Variants in ANKRD6 observed in about 807,000 individuals in gnomAD.
The protein encoded by ANKRD6 is ankyrin repeat domain-containing protein 6.
ANKRD6 carries 56 observed loss-of-function variants against 82.3 expected under a neutral mutation model. That is an observed-to-expected ratio of 0.68 (90% CI 0.55 to 0.85). The LOEUF (loss-of-function observed/expected upper bound fraction) is 0.85, where lower values mean the gene tolerates loss of function less well. Ranked by LOEUF, ANKRD6 falls within the 40% of genes least tolerant of loss-of-function variation. The probability of loss-of-function intolerance (pLI) is 0.00; values close to 1 mark genes in which losing one functional copy is unlikely to be tolerated. For synonymous variants in ANKRD6, 347 were observed against 352.1 expected, an observed-to-expected ratio of 0.99 and a Z score of 0.16; for missense variants, 852 against 907.6, an observed-to-expected ratio of 0.94 and a Z score of 0.79.
intron 1 of ANKRD6, among the ~76,000 whole-genome samples, chr6:89,455,140 A>AGT (rs200343849): frequency 1.3e-3 from 194 of 148,806 alleles, no homozygotes; most frequent in African/African-American, 3.0e-3. Flanking sequence ...CACCACACCC[A>AGT]GTGTGTGTGT....
chr6:89,442,779 G>A (rs962006253), intron 1 of ANKRD6, among the ~76,000 whole-genome samples: 2 of 152,152 alleles, frequency 1.3e-5, no homozygotes, highest in African/African-American at 2.4e-5. Context: ...TCTGGGTTAC[G>A]ATAAGGGGTT....
intron 1 of ANKRD6, among the ~76,000 whole-genome samples, chr6:89,534,259 A>G (rs1783557350): frequency 6.6e-6 from 1 of 152,204 alleles, no homozygotes; most frequent in Admixed American, 6.5e-5. Context: ...GCTGATAGTC[A>G]AAGGAGAGAT....
chr6:89,539,741 C>CTTTTTTTTTTTTT lies in ANKRD6; in HGVS notation c.-143-27092_-143-27080dup, dbSNP rs570865099. ...GTGCTATCAAATAGTAGGTCTTATT[C>CTTTTTTTTTTTTT]TTTTTTTTTTTTTACACCCATTAGC... On this transcript the variant is annotated intron_variant, in intron 1 of 15. Coordinates refer to ENST00000339746, the MANE Select transcript of ANKRD6 (RefSeq NM_001242809.2). Among the ~76,000 whole-genome samples, 473 of 142,632 alleles carry CTTTTTTTTTTTTT rather than the reference C, an allele frequency of 3.3e-3. 5 individuals are homozygous for CTTTTTTTTTTTTT. Among genetic ancestry groups the CTTTTTTTTTTTTT allele is most frequent in the African/African-American group, 0.011 (448 of 38,974 alleles). 93.6% of individuals were successfully genotyped at this position (142,632 alleles called of 152,430 possible). A position where few individuals can be genotyped will look rare whatever the true frequency, so the allele number is the denominator to read the frequency against.
intron 9 of ANKRD6, among the ~76,000 whole-genome samples, chr6:89,620,683 A>G (rs992672309): frequency 2.0e-5 from 3 of 152,012 alleles, no homozygotes; most frequent in African/African-American, 7.2e-5. Context: ...AGCACCTGAC[A>G]GTGACTGACA....
chr6:89,603,217 G>T, intron 4 of ANKRD6, 90 bp downstream of exon 4: 1 of 1,041,926 alleles, frequency 9.6e-7, no homozygotes, highest in Non-Finnish European at 1.4e-6. Context: ...AAACTTTTGA[G>T]TCCTCGAGGT....
At chr6:89,601,451 G>T (rs1797139670) in intron 3 of ANKRD6, 1 of 152,098 alleles carries the variant, frequency 6.6e-6, no homozygotes, top group African/African-American at 2.4e-5. Flanking sequence ...TTTCTGCTCA[G>T]ACTTCTAATA....
intron 1 of ANKRD6, among the ~76,000 whole-genome samples, chr6:89,481,999 G>A (rs2127810115): frequency 6.6e-6 from 1 of 152,282 alleles, no homozygotes; most frequent in South Asian, 2.1e-4. Flanking sequence ...CTTTCCAGGA[G>A]GAAAGATTTT....
chr6:89,450,674 C>T (rs1772695981), intron 1 of ANKRD6, among the ~76,000 whole-genome samples: 1 of 151,462 alleles, frequency 6.6e-6, no homozygotes, highest in East Asian at 1.9e-4. Flanking sequence ...TGCACCACTG[C>T]AGACTTTTTT....
rs3748085 is a variant in ANKRD6 at position 89,606,070 on chromosome 6, A to G, written c.382A>G (p.Ile128Val). Reference sequence around the variant, plus strand: ...TTTCAGCCAGTCAGCCAAGCTGCTCATTAAAGCAGGAGCCAACGTGCTTGC... The same window carrying G: ...TTTCAGCCAGTCAGCCAAGCTGCTCGTTAAAGCAGGAGCCAACGTGCTTGC... ...HGFSQSAKLL[I>V]KAGANVLAKN... The change falls in exon 5 of 16, where the codon ATT becomes GTT. Residue 128 changes from isoleucine to valine, a missense_variant. Coordinates refer to ENST00000339746, the MANE Select transcript of ANKRD6 (RefSeq NM_001242809.2). 0.83 allele frequency: 1,324,183 copies of G among 1,587,258 alleles called. 555,010 individuals carry two copies. The highest frequency in any genetic ancestry group is 0.93 in the East Asian group (40,702 of 43,892).
chr6:89,611,039 C>T (rs931419103), intron 5 of ANKRD6, among the ~76,000 whole-genome samples: 2 of 152,102 alleles, frequency 1.3e-5, no homozygotes, highest in African/African-American at 4.8e-5. Context: ...ACCAGCGAGC[C>T]TGCTAGAACC....
At chr6:89,492,665 C>T (rs1470352644) in intron 1 of ANKRD6, among the ~76,000 whole-genome samples, 2 of 152,218 alleles carry the variant, frequency 1.3e-5, no homozygotes, top group Non-Finnish European at 2.9e-5. Context: ...AATGTATACT[C>T]ATTCCTGTGA....
intron 1 of ANKRD6, among the ~76,000 whole-genome samples, chr6:89,535,093 A>G (rs755656485): frequency 4.6e-5 from 7 of 152,186 alleles, no homozygotes; most frequent in Non-Finnish European, 7.3e-5. Flanking sequence ...AAGGCATTCA[A>G]AGTCTTAAAC....
chr6:89,618,476 G>A (rs1029712080), intron 9 of ANKRD6: 6 of 438,450 alleles, frequency 1.4e-5, no homozygotes, highest in South Asian at 2.6e-5. Context: ...GTCGCCTGCC[G>A]GAGATAGTTA....
At chr6:89,623,222 A>C (rs1229786954) in intron 10 of ANKRD6, among the ~76,000 whole-genome samples, 188 bp from the exon 11 acceptor site, 3 of 152,176 alleles carry the variant, frequency 2.0e-5, no homozygotes, top group Non-Finnish European at 2.9e-5. Context: ...ATGTTCAACC[A>C]ACCAGGAAAA....
chr6:89,506,460 G>A (rs1251865971), intron 1 of ANKRD6, among the ~76,000 whole-genome samples: 1 of 152,024 alleles, frequency 6.6e-6, no homozygotes, highest in Non-Finnish European at 1.5e-5. Context: ...GATTACAGGC[G>A]TGTGTTACCG....
intron 1 of ANKRD6, among the ~76,000 whole-genome samples, chr6:89,520,927 G>A (rs1362625606): frequency 6.6e-6 from 1 of 152,170 alleles, no homozygotes; most frequent in Non-Finnish European, 1.5e-5. Context: ...GGCCAAGGCT[G>A]CAGTGATCCA....
intron 1 of ANKRD6, among the ~76,000 whole-genome samples, chr6:89,486,575 G>GGACATT (rs1777402749): frequency 6.6e-6 from 1 of 151,900 alleles, no homozygotes; most frequent in South Asian, 2.1e-4. Context: ...CTGAGAGCTG[G>GGACATT]GACATTTGAG....
intron 5 of ANKRD6, among the ~76,000 whole-genome samples, chr6:89,611,171 AT>A (rs55967563): frequency 0.029 from 4,231 of 147,344 alleles, 148 homozygotes; most frequent in African/African-American, 0.082. Flanking sequence ...GTATTCCTCT[AT>A]TTTTTTTTTT....
intron 1 of ANKRD6, among the ~76,000 whole-genome samples, chr6:89,498,871 C>CT (rs1778944279): frequency 6.6e-6 from 1 of 152,206 alleles, no homozygotes; most frequent in Admixed American, 6.5e-5. Context: ...GTGCCAGCTT[C>CT]TTTGCAGAAT....
Sources: gnomAD v4.1 joint callset for allele counts (sites outside exome capture counted in the v4.1 genomes callset) on GRCh38, gnomAD v4.1.1 for gene constraint, MANE v1.5 for transcripts, NCBI Gene and HGNC (gene_info 2026-07-23, HGNC 2026-07-21) for gene names.